The following USH1C variants were observed in gnomAD, a reference collection of about 807,000 sequenced individuals.
USH1C encodes harmonin.
In USH1C, 90 loss-of-function variants were observed where a neutral mutation model predicts 119.3. The ratio of observed to expected loss-of-function variants is 0.75; its 90% CI spans 0.64 to 0.90. The LOEUF (loss-of-function observed/expected upper bound fraction) is 0.90, where lower values mean the gene tolerates loss of function less well. USH1C is among the 40% of genes least tolerant of loss of function. The pLI is 0.00. For missense variants in USH1C, 1,165 were observed against 1,167.7 expected (o/e 1.00, Z 0.03); for synonymous variants, 465 against 443.3 (o/e 1.05, Z -0.62).
At chr11:17,516,328 C>A in intron 14 of USH1C, 38 bp from the exon 15 acceptor site, 1 of 1,598,662 alleles carries the variant, frequency 6.3e-7, no homozygotes, top group South Asian at 1.1e-5. Flanking sequence ...AGACACAGTT[C>A]AGCTCAGCCA....
chr11:17,509,511 G>A lies in USH1C; in HGVS notation c.1858C>T (p.Arg620Cys), dbSNP rs143160805. The A allele has an allele frequency of 3.8e-4, 609 of 1,612,870 alleles. 3 individuals carry two copies. Among genetic ancestry groups the A allele is most frequent in the South Asian group, 3.6e-3 (326 of 90,954 alleles). ...SVPTQDLTPT[R>C]PLPSALEEAL... The stretch of plus-strand genomic sequence containing the variant: ...TCTTCCAGCGCCGAGGGCAGTGGGC[G>A]GGTGGGAGTGAGGTCTTGGGTGGGA... Residue 620 changes from arginine to cysteine, a missense_variant, in exon 18 of 27, where the codon CGC (arginine) becomes TGC (cysteine). Physicochemically the swap from Arg to Cys is radical, Grantham distance 180. Transcript: ENST00000005226.
At chr11:17,510,179 C>T (rs767978486) in intron 17 of USH1C, among the ~76,000 whole-genome samples, 16 of 152,138 alleles carry the variant, frequency 1.1e-4, no homozygotes, top group Non-Finnish European at 1.2e-4. Flanking sequence ...CTGAGACTAT[C>T]GCAGATGAGC....
At chr11:17,543,911 C>G (rs1851582155) in intron 1 of USH1C, among the ~76,000 whole-genome samples, 1 of 152,234 alleles carries the variant, frequency 6.6e-6, no homozygotes, top group South Asian at 2.1e-4. Context: ...GCCTCAACAG[C>G]CCTGAGCTGG....
chr11:17,533,993 G>A, intron 1 of USH1C: 1 of 277,540 alleles, frequency 3.6e-6, no homozygotes, highest in Non-Finnish European at 7.3e-6. Flanking sequence ...TCAATGGCTG[G>A]CACTCTAAGG....
chr11:17,538,581 T>C (rs1375319485), intron 1 of USH1C, among the ~76,000 whole-genome samples: 1 of 152,144 alleles, frequency 6.6e-6, no homozygotes, highest in African/African-American at 2.4e-5. Context: ...AGTGAGTATG[T>C]GTAAAGCACG....
chr11:17,530,491 T>C (rs1473905302), intron 4 of USH1C, among the ~76,000 whole-genome samples: 1 of 152,248 alleles, frequency 6.6e-6, no homozygotes, highest in Non-Finnish European at 1.5e-5. Flanking sequence ...GGACTGCTTG[T>C]GAGCATGTGA....
chr11:17,542,531 G>A (rs1001942338), intron 1 of USH1C, among the ~76,000 whole-genome samples: 5 of 152,246 alleles, frequency 3.3e-5, no homozygotes, highest in Non-Finnish European at 7.3e-5. Context: ...CAGAGGAAAC[G>A]TGGAGGTCTG....
rs538411041 is a variant in USH1C, at chr11:17,509,644, C to T, written c.1725G>A (p.Lys575=). The T allele has an allele frequency of 4.7e-6, 7 of 1,492,684 alleles. No individual in the cohort carries two copies. In the African/African-American group the frequency reaches 9.9e-5, roughly 21 times the overall value. The allele number at this position is 1,492,684 out of a possible 1,614,324, so 92.5% of individuals were successfully genotyped here. ...PHPPPSNPPH[K]VPAPPVLPLS... The stretch of plus-strand genomic sequence containing the variant: ...AGGGAAGGACAGGGGGCGCCGGGAC[C>T]TTGTGGGGTGGGTTGGAGGGTGGAG... The change falls in exon 18 of 27, where the codon AAG becomes AAA. Residue 575 remains lysine (K), a synonymous_variant. Coordinates refer to ENST00000005226, the MANE Select transcript of USH1C (RefSeq NM_153676.4).
chr11:17,511,982 A>G lies in USH1C; in HGVS notation c.1333T>C (p.Phe445Leu). ...DLRKNKKELEFEQKLYKEKEE... is the reference protein window; with the variant it reads ...DLRKNKKELELEQKLYKEKEE... ...TTCTCTTTGTAAAGCTTTTGCTCAA[A>G]CTCCAGTTCTTTCTTATTCTTTCTC... The change falls in exon 16 of 27, where the codon TTT becomes CTT. Residue 445 changes from phenylalanine (F) to leucine (L), a missense_variant. Transcript: ENST00000005226. The G allele has an allele frequency of 6.2e-7, 1 of 1,613,708 alleles. No homozygotes were observed. Among genetic ancestry groups the G allele is most frequent in the Middle Eastern group, 1.6e-4 (1 of 6,062 alleles).
At chr11:17,510,357 A>G in intron 17 of USH1C, 48 bp downstream of exon 17, 1 of 1,506,262 alleles carries the variant, frequency 6.6e-7, no homozygotes, top group Non-Finnish European at 9.2e-7. Flanking sequence ...ACAGTGGGTC[A>G]TTCTGAAGAC....
At chr11:17,503,306 G>C (rs1479535386) in intron 20 of USH1C, among the ~76,000 whole-genome samples, 8 of 152,168 alleles carry the variant, frequency 5.3e-5, no homozygotes, top group African/African-American at 4.8e-5. Flanking sequence ...TGGAAGGCTG[G>C]GCAGTGCTGG....
chr11:17,499,224 T>C (rs143494182), intron 23 of USH1C, among the ~76,000 whole-genome samples: 12 of 152,316 alleles, frequency 7.9e-5, no homozygotes, highest in African/African-American at 2.6e-4. Flanking sequence ...CCAGGTTACA[T>C]TGAAATAGAT....
intron 25 of USH1C, among the ~76,000 whole-genome samples, chr11:17,496,372 A>T (rs1849249801): frequency 6.6e-6 from 1 of 152,216 alleles, no homozygotes; most frequent in African/African-American, 2.4e-5. Context: ...GTTAGACATC[A>T]GGAAGACCTT....
In USH1C at chr11:17,531,234, G is replaced by T. The variant is rs397517880; in HGVS notation, c.307C>A (p.Arg103Ser). The T allele has an allele frequency of 1.2e-6, 2 of 1,614,136 alleles. No individual in the cohort carries two copies. Among genetic ancestry groups the T allele is most frequent in the East Asian group, 4.5e-5 (2 of 44,876 alleles). Residue 103 changes from arginine (R) to serine (S), a missense_variant, in exon 4 of 27, where the codon CGT becomes AGT. Coordinates refer to ENST00000005226, the MANE Select transcript of USH1C (RefSeq NM_153676.4). The surrounding 1 kb of genome is among the most constrained non-coding windows in gnomAD (Gnocchi z 4.2). ...LHPEGLGLSVRGGLEFGCGLF... is the reference protein window; with the variant it reads ...LHPEGLGLSVSGGLEFGCGLF... Reference sequence around the variant, plus strand: ...CCACAGCCAAACTCCAGGCCACCACGCACACTCAGGCCGAGGCCTTCGGGG... The same window carrying T: ...CCACAGCCAAACTCCAGGCCACCACTCACACTCAGGCCGAGGCCTTCGGGG...
chr11:17,504,604 G>C, intron 20 of USH1C, 43 bp downstream of exon 20: 2 of 1,605,638 alleles, frequency 1.2e-6, no homozygotes, highest in Non-Finnish European at 1.7e-6. Context: ...GAGGGACGGG[G>C]GTGGTGGGGA....
At chr11:17,498,802 A>G (rs1212686021) in intron 23 of USH1C, among the ~76,000 whole-genome samples, 1 of 152,104 alleles carries the variant, frequency 6.6e-6, no homozygotes, top group African/African-American at 2.4e-5. Context: ...ATCTTTTCTT[A>G]TTTGGCATTT....
chr11:17,527,970 C>G (rs1283312965), intron 4 of USH1C, among the ~76,000 whole-genome samples: 1 of 152,172 alleles, frequency 6.6e-6, no homozygotes, highest in African/African-American at 2.4e-5. Context: ...TGAACGAGCA[C>G]AGGGCTTTGG....
At chr11:17,517,011 G>A (rs1196605724) in intron 14 of USH1C, among the ~76,000 whole-genome samples, 1 of 152,142 alleles carries the variant, frequency 6.6e-6, no homozygotes, top group African/African-American at 2.4e-5. Context: ...TACCCACCCC[G>A]GACCAGCCTG....
intron 15 of USH1C, among the ~76,000 whole-genome samples, chr11:17,515,065 TTGTG>T (rs61540326): frequency 2.0e-5 from 3 of 150,290 alleles, no homozygotes; most frequent in African/African-American, 4.9e-5. Context: ...GTGTGTGTGC[TTGTG>T]TGTGTGTGTG....
Sources: allele counts gnomAD v4.1 joint callset (sites outside exome capture counted in the v4.1 genomes callset), GRCh38; gene constraint gnomAD v4.1.1; non-coding constraint Gnocchi (gnomAD v3.1); transcripts MANE v1.5; gene names NCBI Gene and HGNC (gene_info 2026-07-23, HGNC 2026-07-21).